The following PRKG1 variants were observed in gnomAD, a reference collection of about 807,000 sequenced individuals.
The protein encoded by PRKG1 is protein kinase cGMP-dependent 1.
A neutral mutation model predicts 88.1 loss-of-function variants in PRKG1; 35 were observed. The observed-to-expected ratio is 0.40, with a 90% CI of 0.30 to 0.53. PRKG1 has a LOEUF of 0.53. Among genes scored for constraint, PRKG1 ranks in the 20% least tolerant of loss-of-function variants. The probability of loss-of-function intolerance (pLI) is 0.59; values close to 1 mark genes in which losing one functional copy is unlikely to be tolerated. For synonymous variants in PRKG1, 303 were observed against 292.5 expected (o/e 1.04, Z -0.37); for missense variants, 540 against 839.8 (o/e 0.64, Z 4.41).
intron 5 of PRKG1, chr10:51,910,093 G>A (rs1012840998): frequency 1.3e-5 from 2 of 152,184 alleles, no homozygotes; most frequent in East Asian, 3.9e-4. Flanking sequence ...AAGTATGATT[G>A]CTAGGCATCA....
upstream of PRKG1, among the ~76,000 whole-genome samples, chr10:51,073,498 A>G (rs1642312256): frequency 6.6e-6 from 1 of 152,030 alleles, no homozygotes; most frequent in South Asian, 2.1e-4. Context: ...CTCCCCGCCA[A>G]ATTCAGCAAA....
chr10:52,205,028 G>C (rs1488474075), intron 9 of PRKG1, among the ~76,000 whole-genome samples: 1 of 152,086 alleles, frequency 6.6e-6, no homozygotes, highest in African/African-American at 2.4e-5. Context: ...GCTGCCCTGG[G>C]AGTGTCTGCC....
intron 9 of PRKG1, among the ~76,000 whole-genome samples, chr10:52,238,478 GAAAC>G (rs942266791): frequency 1.1e-4 from 17 of 152,006 alleles, no homozygotes; most frequent in African/African-American, 3.9e-4. Context: ...TTACAAGAAA[GAAAC>G]AAACAACCCC....
intron 3 of PRKG1, among the ~76,000 whole-genome samples, chr10:51,489,665 A>AT (rs113087552): frequency 0.07 from 10,695 of 152,198 alleles, 531 homozygotes; most frequent in South Asian, 0.13. Flanking sequence ...TGGATTTGAT[A>AT]TTTTTATATC....
chr10:51,928,034 T>C (rs1342689020), intron 5 of PRKG1, among the ~76,000 whole-genome samples: 1 of 152,160 alleles, frequency 6.6e-6, no homozygotes, highest in East Asian at 1.9e-4. Flanking sequence ...CAGGTCACAC[T>C]CTAAATCCAG....
intron 2 of PRKG1, among the ~76,000 whole-genome samples, chr10:51,409,734 A>G (rs1429086499): frequency 6.6e-6 from 1 of 151,084 alleles, no homozygotes; most frequent in East Asian, 2.0e-4. Flanking sequence ...CGTGCCTGTA[A>G]TCCCAGCTAC....
intron 4 of PRKG1, among the ~76,000 whole-genome samples, chr10:51,817,353 C>T (rs1564659104): frequency 6.8e-6 from 1 of 147,484 alleles, no homozygotes; most frequent in African/African-American, 2.5e-5. Flanking sequence ...CCCAACCCCC[C>T]CCCTCCCCTG....
chr10:51,650,581 C>G (rs1000879396), intron 3 of PRKG1, among the ~76,000 whole-genome samples: 4 of 152,072 alleles, frequency 2.6e-5, no homozygotes. Flanking sequence ...GTAATTGAAA[C>G]TAATTAATTT....
chr10:51,708,593 C>T (rs956317351), intron 3 of PRKG1, among the ~76,000 whole-genome samples: 1 of 152,150 alleles, frequency 6.6e-6, no homozygotes, highest in Non-Finnish European at 1.5e-5. Flanking sequence ...GTTGAAGGAT[C>T]AGATCTCCTA....
chr10:51,884,680 A>T (rs1217789402), intron 4 of PRKG1, among the ~76,000 whole-genome samples: 1 of 152,142 alleles, frequency 6.6e-6, no homozygotes, highest in East Asian at 1.9e-4. Context: ...GACTCACATC[A>T]TTCAGGGTCT....
chr10:52,124,449 A>G (rs1012687903), intron 7 of PRKG1, among the ~76,000 whole-genome samples: 2 of 152,164 alleles, frequency 1.3e-5, no homozygotes, highest in African/African-American at 4.8e-5. Flanking sequence ...ATGAAAGATT[A>G]AAAATGGTAC....
chr10:51,710,089 T>G (rs2132430638), intron 3 of PRKG1, among the ~76,000 whole-genome samples: 1 of 152,304 alleles, frequency 6.6e-6, no homozygotes, highest in Non-Finnish European at 1.5e-5. Context: ...AAAATGTGAC[T>G]TCTCTTTTCA....
chr10:52,078,142 C>T (rs774474658), intron 7 of PRKG1, among the ~76,000 whole-genome samples: 14 of 152,166 alleles, frequency 9.2e-5, no homozygotes, highest in South Asian at 2.1e-4. Flanking sequence ...GGTTTTCTAC[C>T]GCCTACATCC....
intron 2 of PRKG1, among the ~76,000 whole-genome samples, chr10:51,378,455 G>T (rs1842857792): frequency 6.6e-6 from 1 of 152,140 alleles, no homozygotes; most frequent in Non-Finnish European, 1.5e-5. Context: ...TGAGCTAATT[G>T]GTTCTTTCAG....
At chr10:52,090,318 C>G (rs1045789354) in intron 7 of PRKG1, among the ~76,000 whole-genome samples, 1 of 151,570 alleles carries the variant, frequency 6.6e-6, no homozygotes, top group Non-Finnish European at 1.5e-5. Flanking sequence ...ATGGGCAAAG[C>G]TAAAACAATT....
At chr10:51,189,405 G>A (rs370405120) in intron 2 of PRKG1, among the ~76,000 whole-genome samples, 2 of 151,962 alleles carry the variant, frequency 1.3e-5, no homozygotes, top group East Asian at 3.9e-4. Flanking sequence ...AAGGTTTGTA[G>A]GCAGACATGC....
intron 5 of PRKG1, among the ~76,000 whole-genome samples, chr10:52,018,296 A>T (rs1845095002): frequency 2.0e-5 from 3 of 151,154 alleles, no homozygotes; most frequent in Non-Finnish European, 4.4e-5. Flanking sequence ...TTTATAAAAT[A>T]AAACTGTGTA....
intron 3 of PRKG1, among the ~76,000 whole-genome samples, chr10:51,563,475 A>G (rs1226845070): frequency 6.6e-6 from 1 of 152,092 alleles, no homozygotes; most frequent in African/African-American, 2.4e-5. Flanking sequence ...CAGTGGTCTA[A>G]TTGCTTTTGG....
intron 2 of PRKG1, among the ~76,000 whole-genome samples, chr10:51,365,532 A>G (rs528826356): frequency 6.6e-6 from 1 of 151,924 alleles, no homozygotes; most frequent in African/African-American, 2.4e-5. Flanking sequence ...GCCCCAATAA[A>G]TTGGTTAATT....
Sources: allele counts gnomAD v4.1 joint callset (sites outside exome capture counted in the v4.1 genomes callset), GRCh38; gene constraint gnomAD v4.1.1; transcripts MANE v1.5; gene names NCBI Gene and HGNC (gene_info 2026-07-23, HGNC 2026-07-21).